Variants in MYOF observed in about 807,000 individuals in gnomAD.
MYOF encodes fer-1-like 3, myoferlin.
MYOF carries 244 observed loss-of-function variants against 284.2 expected under a neutral mutation model. The ratio of observed to expected loss-of-function variants is 0.86; its 90% CI spans 0.77 to 0.95. MYOF has a LOEUF of 0.95. Ranked by LOEUF, MYOF falls within the 40% of genes least tolerant of loss-of-function variation. The pLI is 0.00. For missense variants in MYOF, 2,496 were observed against 2,560.6 expected (o/e 0.97, Z 0.54); for synonymous variants, 904 against 919.7 (o/e 0.98, Z 0.31).
chr10:93,416,892 C>G (rs770183111), intron 5 of MYOF, among the ~76,000 whole-genome samples: 5 of 152,168 alleles, frequency 3.3e-5, no homozygotes, highest in Non-Finnish European at 7.3e-5. Flanking sequence ...GCCACTGCAC[C>G]CGGCCATGAC....
chr10:93,319,392 T>C (rs1842756231), intron 49 of MYOF, among the ~76,000 whole-genome samples: 1 of 152,200 alleles, frequency 6.6e-6, no homozygotes, highest in African/African-American at 2.4e-5. Flanking sequence ...AGTTGAGTTC[T>C]GTAACTGAAA....
intron 5 of MYOF, among the ~76,000 whole-genome samples, chr10:93,416,605 T>C (rs1189568528): frequency 6.6e-6 from 1 of 150,758 alleles, no homozygotes; most frequent in African/African-American, 2.4e-5. Context: ...AGGCTTTTTT[T>C]TTTTTTTTTT....
chr10:93,461,459 G>A (rs75213862), intron 1 of MYOF, among the ~76,000 whole-genome samples: 2,148 of 152,300 alleles, frequency 0.014, 17 homozygotes, highest in Non-Finnish European at 0.02. Context: ...TATCAGAGGG[G>A]TATCAATGCA....
At chr10:93,340,346 C>T (rs1036731339) in intron 38 of MYOF, 182 bp from the exon 39 acceptor site, 6 of 590,352 alleles carry the variant, frequency 1.0e-5, no homozygotes, top group African/African-American at 9.3e-5. Flanking sequence ...AGGATGAGCC[C>T]ACAACTGAAC....
chr10:93,480,853 A>G (rs562805712), intron 1 of MYOF, among the ~76,000 whole-genome samples: 22 of 152,278 alleles, frequency 1.4e-4, no homozygotes, highest in South Asian at 6.2e-4. Flanking sequence ...AATAAAGGGG[A>G]AAAACGGGAA....
rs192982627 is a variant in MYOF at position 93,376,575 on chromosome 10, A to G, written c.2108+748T>C. Among the ~76,000 whole-genome samples the G allele has an allele frequency of 4.6e-5, 7 of 152,116 alleles. No individual in the cohort carries two copies. The East Asian group carries it at 1.4e-3, about 30-fold the overall frequency. ...ACCTGGCTTTACCACTAGGAGGCAC[A>G]AGAAGACAGGGTGACTTAGGGTGTT... is the stretch of plus-strand genomic sequence containing the variant. On this transcript the variant is annotated intron_variant, in intron 22 of 53. Transcript: ENST00000359263.
intron 3 of MYOF, among the ~76,000 whole-genome samples, chr10:93,440,238 C>A (rs955178724): frequency 1.6e-4 from 24 of 152,192 alleles, no homozygotes; most frequent in African/African-American, 5.8e-4. Context: ...ATGGTGAAAC[C>A]CCATTTCTAC....
At chr10:93,337,133 G>GT (rs1554840423) in intron 40 of MYOF, among the ~76,000 whole-genome samples, 8,540 of 135,072 alleles carry the variant, frequency 0.063, 269 homozygotes, top group Non-Finnish European at 0.07. Context: ...AAAGGTGTGG[G>GT]TTTTTTTTTT....
At chr10:93,383,304 G>C (rs539635791) in intron 19 of MYOF, among the ~76,000 whole-genome samples, 1 of 152,282 alleles carries the variant, frequency 6.6e-6, no homozygotes, top group African/African-American at 2.4e-5. Flanking sequence ...CTCCATTTTG[G>C]TTAAAGGAGT....
intron 9 of MYOF, among the ~76,000 whole-genome samples, chr10:93,403,799 G>T (rs1207917370): frequency 6.6e-6 from 1 of 152,166 alleles, no homozygotes; most frequent in Non-Finnish European, 1.5e-5. Flanking sequence ...ACAACCCTGG[G>T]AAGGGCCCTG....
At chr10:93,361,650 C>A in intron 27 of MYOF, 93 bp from the exon 28 acceptor site, 2 of 1,073,846 alleles carry the variant, frequency 1.9e-6, no homozygotes, top group South Asian at 1.4e-5. Context: ...TTAACTATGG[C>A]ATTCACACCT....
chr10:93,333,988 C>T, intron 41 of MYOF, 75 bp from the exon 42 acceptor site: 4 of 1,454,478 alleles, frequency 2.8e-6, no homozygotes, highest in Non-Finnish European at 3.7e-6. Context: ...GTCCCCTCCT[C>T]CGCCAGGGGT....
chr10:93,401,166 T>C (rs992422171), intron 12 of MYOF, among the ~76,000 whole-genome samples: 1 of 152,050 alleles, frequency 6.6e-6, no homozygotes, highest in Non-Finnish European at 1.5e-5. Flanking sequence ...AGATATAGAA[T>C]AGCAAGAGAG....
chr10:93,361,668 G>C (rs1845081345), intron 27 of MYOF, 111 bp from the exon 28 acceptor site: 3 of 853,690 alleles, frequency 3.5e-6, no homozygotes, highest in African/African-American at 1.7e-5. Flanking sequence ...CCTTTACTTA[G>C]ATACCATCTT....
In MYOF at chr10:93,347,768, C is replaced by G. The variant is rs746055070; in HGVS notation, c.4098G>C (p.Glu1366Asp). 3 of 1,611,902 alleles carry G rather than the reference C, an allele frequency of 1.9e-6. No individual in the cohort carries two copies. In the South Asian group the frequency reaches 3.3e-5, roughly 18 times the overall value. Reference protein sequence around the residue: ...VLFMKVFLPKEELYMPPLVIK... With the variant: ...VLFMKVFLPKDELYMPPLVIK... ...TCACCAGTGGGGGCATGTACAATTC[C>G]TCCTTGGGCAAGAACTGGGGGTCAC... The change falls in exon 37 of 54, where the codon GAG (glutamate) becomes GAC (aspartate). Residue 1366 changes from glutamate to aspartate, a missense_variant. Transcript: ENST00000359263.
At chr10:93,464,919 C>T (rs1283427370) in intron 1 of MYOF, among the ~76,000 whole-genome samples, 1 of 152,142 alleles carries the variant, frequency 6.6e-6, no homozygotes, top group Non-Finnish European at 1.5e-5. Context: ...TGGGTCATGC[C>T]TCCTTTCTTT....
intron 4 of MYOF, among the ~76,000 whole-genome samples, chr10:93,430,838 C>T (rs1848809247): frequency 6.6e-6 from 1 of 151,988 alleles, no homozygotes; most frequent in Non-Finnish European, 1.5e-5. Flanking sequence ...AAATAAGGTC[C>T]ATGTCGTTTG....
chr10:93,470,741 C>G (rs1453587844), intron 1 of MYOF, among the ~76,000 whole-genome samples: 1 of 152,168 alleles, frequency 6.6e-6, no homozygotes, highest in Non-Finnish European at 1.5e-5. Context: ...CATTTACAGC[C>G]TAGACTATAA....
chr10:93,342,261 C>T (rs116383997), intron 38 of MYOF, among the ~76,000 whole-genome samples: 4,805 of 152,236 alleles, frequency 0.032, 252 homozygotes, highest in African/African-American at 0.11. Context: ...GTAATACATG[C>T]ACATTACATG....
Sources: allele counts gnomAD v4.1 joint callset (sites outside exome capture counted in the v4.1 genomes callset), GRCh38; gene constraint gnomAD v4.1.1; transcripts MANE v1.5; gene names NCBI Gene and HGNC (gene_info 2026-07-23, HGNC 2026-07-21).